Variants in SHANK2 observed in about 807,000 individuals in gnomAD.
SHANK2 encodes SH3 and multiple ankyrin repeat domains 2, also known as SH3 and multiple ankyrin repeat domains protein 2.
A neutral mutation model predicts 133.7 loss-of-function variants in SHANK2; 43 were observed. That is an observed-to-expected ratio of 0.32 (90% CI 0.25 to 0.41). SHANK2 has a LOEUF of 0.41. Among genes scored for constraint, SHANK2 ranks in the 10% least tolerant of loss-of-function variants. SHANK2 has a pLI of 1.00. For synonymous variants in SHANK2, 1,017 were observed against 952.8 expected (o/e 1.07, Z -1.24); for missense variants, 1,994 against 2,235.8 (o/e 0.89, Z 2.18).
chr11:70,831,125 G>A (rs902018140), intron 11 of SHANK2, among the ~76,000 whole-genome samples: 3 of 152,186 alleles, frequency 2.0e-5, no homozygotes, highest in Admixed American at 6.5e-5. Flanking sequence ...GTAGCAGAGA[G>A]GGTGGCAATG....
At chr11:70,717,852 A>C (rs1945976258) in intron 14 of SHANK2, among the ~76,000 whole-genome samples, 1 of 152,080 alleles carries the variant, frequency 6.6e-6, no homozygotes, top group African/African-American at 2.4e-5. Context: ...GGCAGAATTG[A>C]AGAAGAAAAG....
At chr11:70,677,455 C>T (rs1323116682) in intron 15 of SHANK2, among the ~76,000 whole-genome samples, 1 of 152,300 alleles carries the variant, frequency 6.6e-6, no homozygotes, top group South Asian at 2.1e-4. Flanking sequence ...CGAATGAAAC[C>T]CTGCCTTCCC....
intron 14 of SHANK2, among the ~76,000 whole-genome samples, chr11:70,722,752 C>T (rs1385287743): frequency 6.6e-6 from 1 of 152,072 alleles, no homozygotes; most frequent in Non-Finnish European, 1.5e-5. Flanking sequence ...AAACCACTAC[C>T]TCCTAACATA....
intron 2 of SHANK2, among the ~76,000 whole-genome samples, chr11:71,166,703 G>C (rs1953158631): frequency 6.6e-6 from 1 of 151,404 alleles, no homozygotes; most frequent in Non-Finnish European, 1.5e-5. Flanking sequence ...GGCTGGTTAT[G>C]AACTCCTGAC....
At chr11:70,935,238 C>T (rs1590849989) in intron 10 of SHANK2, among the ~76,000 whole-genome samples, 1 of 152,268 alleles carries the variant, frequency 6.6e-6, no homozygotes, top group South Asian at 2.1e-4. Context: ...AGGCCACCCA[C>T]CCATTTGTCA....
chr11:71,204,104 G>A (rs1385933022), intron 2 of SHANK2, among the ~76,000 whole-genome samples: 2 of 152,182 alleles, frequency 1.3e-5, no homozygotes, highest in Non-Finnish European at 2.9e-5. Flanking sequence ...CTGGATGGGG[G>A]TGGCCTTGGG....
chr11:70,743,981 C>T (rs1946586401), intron 14 of SHANK2, among the ~76,000 whole-genome samples: 1 of 152,208 alleles, frequency 6.6e-6, no homozygotes, highest in South Asian at 2.1e-4. Flanking sequence ...CAGCTGCTCC[C>T]GGGCCCAAGC....
chr11:70,863,790 G>C (rs781977950), intron 11 of SHANK2: 1 of 457,406 alleles, frequency 2.2e-6, no homozygotes, highest in African/African-American at 2.0e-5. Context: ...TCCAACAGGA[G>C]AGGTGTGTTG....
chr11:70,598,351 G>A (rs532150142), intron 17 of SHANK2, among the ~76,000 whole-genome samples: 64 of 152,318 alleles, frequency 4.2e-4, no homozygotes, highest in Non-Finnish European at 7.1e-4. Context: ...GCTGAAAATG[G>A]ATCTGAAGTT....
chr11:71,073,926 C>T (rs1382911986), intron 9 of SHANK2, among the ~76,000 whole-genome samples: 1 of 152,142 alleles, frequency 6.6e-6, no homozygotes, highest in Non-Finnish European at 1.5e-5. Flanking sequence ...ATGGCTGACT[C>T]CAGAACTGAA....
intron 9 of SHANK2, among the ~76,000 whole-genome samples, chr11:71,058,391 T>A (rs1950946809): frequency 1.3e-5 from 2 of 152,160 alleles, no homozygotes; most frequent in African/African-American, 2.4e-5. Context: ...CAGCAGAATG[T>A]TGATGTAACC....
chr11:70,573,857 C>A (rs1033969253), intron 17 of SHANK2, among the ~76,000 whole-genome samples: 1 of 152,234 alleles, frequency 6.6e-6, no homozygotes, highest in Admixed American at 6.5e-5. Flanking sequence ...GGCACACTTA[C>A]CATCCTGGTG....
intron 17 of SHANK2, among the ~76,000 whole-genome samples, chr11:70,506,509 A>T (rs1340289068): frequency 6.6e-6 from 1 of 152,260 alleles, no homozygotes; most frequent in African/African-American, 2.4e-5. Context: ...ACAAAGAGGC[A>T]TACAGGGCTT....
intron 14 of SHANK2, among the ~76,000 whole-genome samples, chr11:70,770,726 C>G (rs1947229193): frequency 6.6e-6 from 1 of 152,156 alleles, no homozygotes; most frequent in Non-Finnish European, 1.5e-5. Context: ...TGAGAATCAA[C>G]TGGAGCATGG....
At chr11:70,765,688 G>A (rs1477167332) in intron 14 of SHANK2, among the ~76,000 whole-genome samples, 1 of 152,156 alleles carries the variant, frequency 6.6e-6, no homozygotes, top group African/African-American at 2.4e-5. Context: ...CTCCCATGAG[G>A]CTCTGAAATC....
chr11:70,892,419 T>G (rs1949861089), intron 11 of SHANK2, among the ~76,000 whole-genome samples: 1 of 152,120 alleles, frequency 6.6e-6, no homozygotes, highest in South Asian at 2.1e-4. Context: ...CTGGCCACCT[T>G]CCCAGCTCTG....
intron 14 of SHANK2, among the ~76,000 whole-genome samples, chr11:70,780,162 A>C (rs1027838990): frequency 1.3e-5 from 2 of 152,220 alleles, no homozygotes; most frequent in Non-Finnish European, 2.9e-5. Flanking sequence ...CTGATGCCAG[A>C]CAATTTTAGG....
intron 14 of SHANK2, among the ~76,000 whole-genome samples, chr11:70,758,438 G>A (rs1033320160): frequency 3.9e-5 from 6 of 152,324 alleles, no homozygotes; most frequent in Admixed American, 3.3e-4. Flanking sequence ...CCAGCGAGGC[G>A]GCGCCCATTG....
At chr11:70,694,375 T>A (rs2134459643) in intron 15 of SHANK2, among the ~76,000 whole-genome samples, 1 of 152,310 alleles carries the variant, frequency 6.6e-6, no homozygotes, top group African/African-American at 2.4e-5. Context: ...CTCTGAGCAG[T>A]TTTTGACATA....
Sources: gnomAD v4.1 joint callset for allele counts (sites outside exome capture counted in the v4.1 genomes callset) on GRCh38, gnomAD v4.1.1 for gene constraint, MANE v1.5 for transcripts, NCBI Gene and HGNC (gene_info 2026-07-23, HGNC 2026-07-21) for gene names.